The following BRINP3 variants were observed in gnomAD, a reference collection of about 807,000 sequenced individuals.
The protein encoded by BRINP3 is BMP/retinoic acid inducible neural specific 3, also known as BMP/retinoic acid-inducible neural-specific protein 3.
A neutral mutation model predicts 71.0 loss-of-function variants in BRINP3; 19 were observed. That is an observed-to-expected ratio of 0.27 (90% CI 0.19 to 0.39). The LOEUF (loss-of-function observed/expected upper bound fraction) is 0.39. Ranked by LOEUF, BRINP3 falls within the 10% of genes least tolerant of loss-of-function variation. The pLI is 1.00. For missense variants in BRINP3, 959 were observed against 940.8 expected (o/e 1.02, Z -0.25); for synonymous variants, 380 against 337.7 (o/e 1.13, Z -1.37).
chr1:190,104,074 A>G (rs538786767), intron 7 of BRINP3, among the ~76,000 whole-genome samples: 1 of 152,220 alleles, frequency 6.6e-6, no homozygotes, highest in African/African-American at 2.4e-5. Context: ...ATTATTTTTT[A>G]AATATGTGTT....
chr1:190,333,706 C>T (rs538766900), intron 2 of BRINP3, among the ~76,000 whole-genome samples: 1 of 151,822 alleles, frequency 6.6e-6, no homozygotes, highest in Non-Finnish European at 1.5e-5. Flanking sequence ...GTAGAAATTA[C>T]CTTAACAACA....
At chr1:190,288,790 A>G (rs1376951136) in intron 2 of BRINP3, among the ~76,000 whole-genome samples, 1 of 151,922 alleles carries the variant, frequency 6.6e-6, no homozygotes, top group Non-Finnish European at 1.5e-5. Context: ...ATTAATAAGT[A>G]AAAATTTACA....
intron 6 of BRINP3, among the ~76,000 whole-genome samples, chr1:190,219,322 C>T (rs1182267045): frequency 3.9e-5 from 6 of 152,020 alleles, no homozygotes; most frequent in Admixed American, 3.9e-4. Context: ...GAATTCAAAA[C>T]AGCAGTTTTC....
intron 6 of BRINP3, among the ~76,000 whole-genome samples, chr1:190,185,345 A>G (rs1289038608): frequency 2.0e-5 from 3 of 152,154 alleles, no homozygotes; most frequent in Non-Finnish European, 4.4e-5. Context: ...AGGTTTATAA[A>G]AAATGCTCAA....
chr1:190,337,577 C>T (rs916973970), intron 2 of BRINP3, among the ~76,000 whole-genome samples: 11 of 151,944 alleles, frequency 7.2e-5, no homozygotes, highest in African/African-American at 2.7e-4. Context: ...ACATCAGACT[C>T]CAAATTCTTC....
At chr1:190,123,508 C>G (rs192145551) in intron 7 of BRINP3, among the ~76,000 whole-genome samples, 20 of 152,154 alleles carry the variant, frequency 1.3e-4, no homozygotes, top group African/African-American at 4.1e-4. Flanking sequence ...ATTTTATTGT[C>G]TCATTATTTT....
intron 6 of BRINP3, among the ~76,000 whole-genome samples, chr1:190,225,622 A>G (rs1448448954): frequency 6.6e-6 from 1 of 152,076 alleles, no homozygotes; most frequent in East Asian, 1.9e-4. Context: ...AACAAAACTC[A>G]CAAAACACTA....
chr1:190,206,351 G>A (rs757956627), intron 6 of BRINP3, among the ~76,000 whole-genome samples: 31 of 151,518 alleles, frequency 2.0e-4, no homozygotes. Flanking sequence ...AAATGTCAAT[G>A]AGCAGTAAGG....
intron 4 of BRINP3, among the ~76,000 whole-genome samples, chr1:190,241,936 A>C (rs1457049219): frequency 6.6e-6 from 1 of 151,564 alleles, no homozygotes; most frequent in Non-Finnish European, 1.5e-5. Flanking sequence ...ATTTTTTCAA[A>C]TGTTAATATT....
At chr1:190,349,350 A>G (rs771649988) in intron 2 of BRINP3, among the ~76,000 whole-genome samples, 1 of 152,116 alleles carries the variant, frequency 6.6e-6, no homozygotes, top group Non-Finnish European at 1.5e-5. Context: ...GTGGAGAGTG[A>G]GTCAGTAGGG....
At chr1:190,309,891 T>A (rs1482068788) in intron 2 of BRINP3, among the ~76,000 whole-genome samples, 1 of 151,738 alleles carries the variant, frequency 6.6e-6, no homozygotes, top group Non-Finnish European at 1.5e-5. Context: ...CAGAATGAAA[T>A]CCCTAAAATT....
intron 7 of BRINP3, among the ~76,000 whole-genome samples, chr1:190,115,451 G>A (rs1258517971): frequency 2.6e-5 from 4 of 152,072 alleles, no homozygotes; most frequent in Non-Finnish European, 5.9e-5. Flanking sequence ...TTAGAATACA[G>A]CAAATGAGAA....
intron 1 of BRINP3, among the ~76,000 whole-genome samples, chr1:190,468,612 G>A (rs910002995): frequency 1.3e-4 from 20 of 150,956 alleles, no homozygotes; most frequent in Admixed American, 5.9e-4. Context: ...ACATATTAGC[G>A]TTACATTTTT....
rs148848564 is a variant in BRINP3 at position 190,236,782 on chromosome 1, A to G, written c.619-2305T>C. 3.2e-4 allele frequency among the ~76,000 whole-genome samples: 48 copies of G among 152,112 alleles called. No homozygotes were observed. In the East Asian group the frequency reaches 7.7e-3, roughly 24 times the overall value. On this transcript the variant is annotated intron_variant, in intron 4 of 7. Transcript: ENST00000367462. ...GCCTAAGGGCAAAGGGAATAATAAA[A>G]GCATCAAAGAGAATACTTAGGGTTT... is the stretch of plus-strand genomic sequence containing the variant.
At chr1:190,357,921 A>G (rs1668844822) in intron 2 of BRINP3, among the ~76,000 whole-genome samples, 2 of 152,006 alleles carry the variant, frequency 1.3e-5, no homozygotes, top group African/African-American at 4.8e-5. Context: ...ACGATTCCCT[A>G]TTTAATAAAT....
At chr1:190,464,350 G>A (rs557286351) in intron 1 of BRINP3, among the ~76,000 whole-genome samples, 1 of 152,004 alleles carries the variant, frequency 6.6e-6, no homozygotes, top group African/African-American at 2.4e-5. Context: ...TTTGAACAAA[G>A]TAGGTCATAA....
intron 2 of BRINP3, among the ~76,000 whole-genome samples, chr1:190,403,302 T>C (rs1344662443): frequency 1.3e-5 from 2 of 152,166 alleles, no homozygotes; most frequent in Non-Finnish European, 2.9e-5. Context: ...CTGGCTTAAA[T>C]AGAAAACATT....
In BRINP3 at chr1:190,281,650, G is replaced by C. The variant is rs371151074; in HGVS notation, c.337C>G (p.Leu113Val). 3.7e-6 allele frequency: 6 copies of C among 1,612,940 alleles called. No homozygotes were observed. In the African/African-American group the frequency reaches 8.0e-5, roughly 22 times the overall value. ...TGAAGGGTAGGTCGACGTCCCAAAAGTCTTATGTTGCGGAAGAATTCAGGG... is the reference window on the plus strand; with the variant it reads ...TGAAGGGTAGGTCGACGTCCCAAAACTCTTATGTTGCGGAAGAATTCAGGG... Reference protein sequence around the residue: ...LAPEFFRNIRLLGRRPTLQQI... With the variant: ...LAPEFFRNIRVLGRRPTLQQI... Residue 113 changes from leucine (L) to valine (V), a missense_variant, in exon 3 of 8, where the codon CTT becomes GTT. Coordinates refer to ENST00000367462, the MANE Select transcript of BRINP3 (RefSeq NM_199051.3).
At chr1:190,367,573 G>T (rs1310450227) in intron 2 of BRINP3, among the ~76,000 whole-genome samples, 1 of 152,176 alleles carries the variant, frequency 6.6e-6, no homozygotes, top group Non-Finnish European at 1.5e-5. Flanking sequence ...TTTTGTTCCA[G>T]AAAATGGGTT....
Sources: allele counts gnomAD v4.1 joint callset (sites outside exome capture counted in the v4.1 genomes callset), GRCh38; gene constraint gnomAD v4.1.1; transcripts MANE v1.5; gene names NCBI Gene and HGNC (gene_info 2026-07-23, HGNC 2026-07-21).